The following RBM47 variants were observed in gnomAD, a reference collection of about 807,000 sequenced individuals.
RBM47 encodes RNA-binding protein 47.
RBM47 carries 21 observed loss-of-function variants against 47.1 expected under a neutral mutation model. That is an observed-to-expected ratio of 0.45 (90% CI 0.32 to 0.64). The LOEUF (loss-of-function observed/expected upper bound fraction) is 0.64. RBM47 is among the 30% of genes least tolerant of loss of function. RBM47 has a pLI of 0.05. For missense variants in RBM47, 708 were observed against 870.9 expected (o/e 0.81, Z 2.35); for synonymous variants, 375 against 361.7 (o/e 1.04, Z -0.42).
intron 1 of RBM47, among the ~76,000 whole-genome samples, chr4:40,605,855 G>T (rs556531359): frequency 6.6e-6 from 1 of 151,460 alleles, no homozygotes; most frequent in African/African-American, 2.4e-5. Context: ...GAAAAATACG[G>T]GTTTTCCATT....
Position 40,568,191 on chromosome 4 carries a change from G to A in RBM47, c.-239-23685C>T, listed in dbSNP as rs183226082. 2.5e-4 allele frequency among the ~76,000 whole-genome samples: 38 copies of A among 151,678 alleles called. No homozygotes were observed. In the East Asian group the frequency reaches 6.0e-3, roughly 24 times the overall value. ...CTGTAATCCCAGCACTTTGGGAGGCGAAGGCAGGACGATCAATTGAGCTCA... is the reference window on the plus strand; with the variant it reads ...CTGTAATCCCAGCACTTTGGGAGGCAAAGGCAGGACGATCAATTGAGCTCA... On this transcript the variant is annotated intron_variant, in intron 1 of 6. Coordinates refer to ENST00000295971, the MANE Select transcript of RBM47 (RefSeq NM_001098634.2).
In RBM47 at chr4:40,594,233, T is replaced by G. The variant is rs75278977; in HGVS notation, c.-240+35163A>C. 2.5e-3 allele frequency among the ~76,000 whole-genome samples: 385 copies of G among 152,220 alleles called. 2 individuals carry two copies. The highest frequency in any genetic ancestry group is 4.5e-3 in the Non-Finnish European group (307 of 68,006). On this transcript the variant is annotated intron_variant, in intron 1 of 6. Coordinates refer to ENST00000295971, the MANE Select transcript of RBM47 (RefSeq NM_001098634.2). ...GCATATTCTGCTATGGTCAGGAATA[T>G]TTCTCTTAATTTGAGGGTACACACC... is the stretch of plus-strand genomic sequence containing the variant.
At chr4:40,618,903 C>CCTGA in intron 1 of RBM47, among the ~76,000 whole-genome samples, 1 of 151,894 alleles carries the variant, frequency 6.6e-6, no homozygotes, top group South Asian at 2.1e-4. Context: ...AAATTGAACT[C>CCTGA]CTGATCTCCT....
intron 1 of RBM47, among the ~76,000 whole-genome samples, chr4:40,564,392 C>T (rs1460830468): frequency 6.6e-6 from 1 of 152,180 alleles, no homozygotes; most frequent in East Asian, 1.9e-4. Flanking sequence ...TACCCCCGAA[C>T]CTGCACACAC....
intron 1 of RBM47, among the ~76,000 whole-genome samples, chr4:40,608,059 A>G (rs1735925258): frequency 6.6e-6 from 1 of 152,016 alleles, no homozygotes; most frequent in South Asian, 2.1e-4. Flanking sequence ...CTGAGATCAC[A>G]CCACTGCACT....
rs1207168601 is a variant in RBM47, at chr4:40,432,661, G to A, written c.1532C>T (p.Pro511Leu). 1 of 1,610,226 alleles carries A rather than the reference G, an allele frequency of 6.2e-7. No homozygotes were observed. The highest frequency in any genetic ancestry group is 2.2e-4 in the Middle Eastern group (1 of 4,498). ...AAVIPTVSTP[P>L]PFQGRPITPV... ...CAATAAGAACTCTACCTGGAAAGGT[G>A]GTGGCGTCGACACAGTGGGAATGAC... Residue 511 changes from proline to leucine, a missense_variant, in exon 6 of 7, where the codon CCA (proline) becomes CTA (leucine). By Grantham distance (98) the Pro-to-Leu change is moderately conservative. Transcript: ENST00000295971.
In RBM47 at chr4:40,425,846, T is replaced by C. The variant is rs1714934706; in HGVS notation, c.*58A>G. 6.4e-7 allele frequency: 1 copy of C among 1,573,600 alleles called. No individual in the cohort carries two copies. The highest frequency in any genetic ancestry group is 1.8e-5 in the Admixed American group (1 of 56,386). Reference sequence around the variant, plus strand: ...ATCCAACATGTTCCTTCTTCATAAATAGTCAAGCGTTCCTTCAGTGGTGTT... The same window carrying C: ...ATCCAACATGTTCCTTCTTCATAAACAGTCAAGCGTTCCTTCAGTGGTGTT... On this transcript the variant is annotated 3_prime_UTR_variant, in exon 7 of 7. Transcript: ENST00000295971.
chr4:40,583,295 T>TC (rs1419594639), intron 1 of RBM47, among the ~76,000 whole-genome samples: 2 of 145,422 alleles, frequency 1.4e-5, no homozygotes, highest in Non-Finnish European at 1.5e-5. Context: ...ACACCTGTAA[T>TC]CCCAGCTACT....
chr4:40,583,268 G>C (rs1240627019), intron 1 of RBM47, among the ~76,000 whole-genome samples: 1 of 151,652 alleles, frequency 6.6e-6, no homozygotes, highest in African/African-American at 2.4e-5. Context: ...AAAAAAATTA[G>C]CTGGGCATGG....
intron 1 of RBM47, among the ~76,000 whole-genome samples, chr4:40,575,467 G>A (rs777183790): frequency 1.3e-4 from 19 of 150,470 alleles, no homozygotes; most frequent in African/African-American, 2.9e-4. Flanking sequence ...CAGGAAAGTC[G>A]CTTGAACCTG....
chr4:40,430,505 T>G (rs1715814013), intron 6 of RBM47, among the ~76,000 whole-genome samples: 1 of 152,248 alleles, frequency 6.6e-6, no homozygotes, highest in Non-Finnish European at 1.5e-5. Context: ...TATTCTACAG[T>G]GTCATTTACA....
At chr4:40,595,815 G>A (rs1331684674) in intron 1 of RBM47, among the ~76,000 whole-genome samples, 1 of 151,004 alleles carries the variant, frequency 6.6e-6, no homozygotes, top group Non-Finnish European at 1.5e-5. Flanking sequence ...TGAGGCAGGA[G>A]AATTGCTTGA....
chr4:40,600,985 CAAAAA>C (rs56054491), intron 1 of RBM47, among the ~76,000 whole-genome samples: 4 of 50,108 alleles, frequency 8.0e-5, no homozygotes, highest in East Asian at 5.1e-4. Flanking sequence ...AACTCCGTCT[CAAAAA>C]AAAAAAAAAA....
chr4:40,616,211 G>A lies in RBM47; in HGVS notation c.-240+13185C>T, dbSNP rs542224475. Among the ~76,000 whole-genome samples, 322 of 151,504 alleles carry A rather than the reference G, an allele frequency of 2.1e-3. 2 individuals carry two copies. The highest frequency in any genetic ancestry group is 7.5e-3 in the African/African-American group (311 of 41,472). On this transcript the variant is annotated intron_variant, in intron 1 of 6. Coordinates refer to ENST00000295971, the MANE Select transcript of RBM47 (RefSeq NM_001098634.2). ...TACTAAAAACACAAAAAAATTAGCCGGGCATGGTGGCGGGCGCCTGTAGTC... is the reference window on the plus strand; with the variant it reads ...TACTAAAAACACAAAAAAATTAGCCAGGCATGGTGGCGGGCGCCTGTAGTC...
chr4:40,494,692 C>T (rs1439097027), intron 2 of RBM47, among the ~76,000 whole-genome samples: 3 of 152,082 alleles, frequency 2.0e-5, no homozygotes, highest in Admixed American at 6.6e-5. Context: ...AATAACAGAC[C>T]CCTCCAAGCC....
In RBM47 at chr4:40,485,411, G is replaced by A. The variant is rs550470938; in HGVS notation, c.-154-18712C>T. On this transcript the variant is annotated intron_variant, in intron 2 of 6. Transcript: ENST00000295971. ...CTAAGCAGTAAGAATATGCAGATGG[G>A]ACCCTCTTCTGTTCTCCTACCATGT... Among the ~76,000 whole-genome samples, 4 of 152,170 alleles carry A rather than the reference G, an allele frequency of 2.6e-5. No individual in the cohort carries two copies. The South Asian group carries it at 8.3e-4, about 31-fold the overall frequency.
chr4:40,514,938 G>GC (rs35747405), intron 2 of RBM47, among the ~76,000 whole-genome samples: 55,135 of 152,032 alleles, frequency 0.36, 11,788 homozygotes, highest in African/African-American at 0.6. Flanking sequence ...ACTGTCAAAG[G>GC]CAAGAGTTAA....
chr4:40,479,945 T>C (rs989606046), intron 2 of RBM47, among the ~76,000 whole-genome samples: 43 of 150,840 alleles, frequency 2.9e-4, no homozygotes, highest in Non-Finnish European at 4.0e-4. Flanking sequence ...CCCCCATACA[T>C]AGGTTGAGGC....
intron 1 of RBM47, among the ~76,000 whole-genome samples, chr4:40,610,846 C>T (rs948177940): frequency 3.3e-5 from 5 of 152,020 alleles, no homozygotes; most frequent in African/African-American, 1.2e-4. Context: ...GGGGTTTCTG[C>T]TTTCACTTCT....
Sources: gnomAD v4.1 joint callset for allele counts (sites outside exome capture counted in the v4.1 genomes callset) on GRCh38, gnomAD v4.1.1 for gene constraint, MANE v1.5 for transcripts, NCBI Gene and HGNC (gene_info 2026-07-23, HGNC 2026-07-21) for gene names.